HTR1F: variants seen among roughly 807,000 people sequenced by gnomAD.
HTR1F encodes the protein 5-hydroxytryptamine (serotonin) receptor 1F, G protein-coupled.
A neutral mutation model predicts 24.0 loss-of-function variants in HTR1F; 17 were observed. That is an observed-to-expected ratio of 0.71 (90% confidence interval 0.48 to 1.06). The LOEUF (loss-of-function observed/expected upper bound fraction) is 1.06, where lower values mean the gene tolerates loss of function less well. Ranked by LOEUF, HTR1F falls within the 50% of genes least tolerant of loss-of-function variation. The pLI, the probability that HTR1F is intolerant of heterozygous loss-of-function variation, is 0.00. For missense variants in HTR1F, 391 were observed against 427.8 expected, an observed-to-expected ratio of 0.91 and a Z score of 0.76; for synonymous variants, 186 against 156.8, an observed-to-expected ratio of 1.19 and a Z score of -1.39.
intron 2 of HTR1F, among the ~76,000 whole-genome samples, chr3:87,851,324 CTT>C (rs1176208211): frequency 6.6e-6 from 1 of 151,454 alleles, no homozygotes; most frequent in Non-Finnish European, 1.5e-5. Context: ...TTTGCACAGA[CTT>C]TGCTTCCATT....
chr3:87,914,272 T>C (rs1490369973), intron 2 of HTR1F, among the ~76,000 whole-genome samples: 2 of 152,094 alleles, frequency 1.3e-5, no homozygotes, highest in African/African-American at 2.4e-5. Flanking sequence ...CCAGAGGCAC[T>C]GGGAAAAGGC....
chr3:87,830,354 A>T (rs1184025010), intron 2 of HTR1F, among the ~76,000 whole-genome samples: 1 of 152,226 alleles, frequency 6.6e-6, no homozygotes, highest in Admixed American at 6.5e-5. Flanking sequence ...TAATACTGAA[A>T]AAATACTCAT....
chr3:87,877,725 C>T (rs1364847216), intron 2 of HTR1F, among the ~76,000 whole-genome samples: 1 of 152,088 alleles, frequency 6.6e-6, no homozygotes, highest in Non-Finnish European at 1.5e-5. Context: ...GCTCAAGCTC[C>T]CAGCTGCTGC....
chr3:87,898,680 A>G (rs1415724135), intron 2 of HTR1F, among the ~76,000 whole-genome samples: 1 of 137,594 alleles, frequency 7.3e-6, no homozygotes, highest in African/African-American at 3.3e-5. Context: ...TAGATATAGT[A>G]GCTGACCAAT....
Position 87,835,499 on chromosome 3 carries a change from C to A in HTR1F, c.-43+13375C>A, listed in dbSNP as rs1704666126. ...TGCCGTCACAAGTTAAAGAATCTATCTGAACCCCTATTTTCATAGTGATGC... is the reference window on the plus strand; with the variant it reads ...TGCCGTCACAAGTTAAAGAATCTATATGAACCCCTATTTTCATAGTGATGC... On this transcript the variant is annotated intron_variant, in intron 2 of 2. Transcript: ENST00000319595. 2.0e-5 allele frequency among the ~76,000 whole-genome samples: 3 copies of A among 152,180 alleles called. No homozygotes were observed. The South Asian group carries it at 6.2e-4, about 32-fold the overall frequency.
At chr3:87,828,853 A>G (rs1160544877) in intron 2 of HTR1F, among the ~76,000 whole-genome samples, 1 of 152,162 alleles carries the variant, frequency 6.6e-6, no homozygotes, top group Admixed American at 6.5e-5. Flanking sequence ...CTTCTGGACG[A>G]AACAGTGCTA....
At chr3:87,845,683 C>T (rs1469125133) in intron 2 of HTR1F, among the ~76,000 whole-genome samples, 2 of 151,782 alleles carry the variant, frequency 1.3e-5, no homozygotes, top group South Asian at 2.1e-4. Flanking sequence ...GATTCAATGC[C>T]ATCCCCATCA....
intron 2 of HTR1F, among the ~76,000 whole-genome samples, chr3:87,832,336 C>CTTT (rs1240822899): frequency 1.2e-5 from 1 of 83,616 alleles, no homozygotes; most frequent in Non-Finnish European, 2.5e-5. Context: ...TTTTTTTTTT[C>CTTT]TTTTTTTTTG....
intron 2 of HTR1F, among the ~76,000 whole-genome samples, chr3:87,932,910 T>C (rs1460298053): frequency 6.6e-6 from 1 of 150,898 alleles, no homozygotes; most frequent in Non-Finnish European, 1.5e-5. Context: ...AAAAAGAGAA[T>C]TTTAGACCAA....
At chr3:87,827,910 T>A (rs1704497759) in intron 2 of HTR1F, among the ~76,000 whole-genome samples, 1 of 152,164 alleles carries the variant, frequency 6.6e-6, no homozygotes, top group African/African-American at 2.4e-5. Context: ...CCTTCTCTCC[T>A]GGGGTAACTT....
At chr3:87,863,564 A>C (rs1020397810) in intron 2 of HTR1F, among the ~76,000 whole-genome samples, 1 of 152,104 alleles carries the variant, frequency 6.6e-6, no homozygotes, top group Admixed American at 6.6e-5. Flanking sequence ...ATTTTTTTCC[A>C]GTTTCCAATA....
At chr3:87,909,134 G>A (rs1366262971) in intron 2 of HTR1F, among the ~76,000 whole-genome samples, 2 of 151,976 alleles carry the variant, frequency 1.3e-5, no homozygotes, top group Non-Finnish European at 1.5e-5. Flanking sequence ...GTCACCAGTG[G>A]TAAATACTAG....
At chr3:87,807,009 C>T (rs1704084657) in intron 1 of HTR1F, among the ~76,000 whole-genome samples, 1 of 151,966 alleles carries the variant, frequency 6.6e-6, no homozygotes. Flanking sequence ...TGTACCAGTA[C>T]CATGCGATCT....
At chr3:87,827,123 CTTT>C (rs61445115) in intron 2 of HTR1F, among the ~76,000 whole-genome samples, 5 of 143,598 alleles carry the variant, frequency 3.5e-5, no homozygotes, top group Admixed American at 7.0e-5. Context: ...TTCTTTCTTT[CTTT>C]TTTTTTTTTT....
At chr3:87,974,098 T>C (rs186232366) in intron 2 of HTR1F, among the ~76,000 whole-genome samples, 32 of 152,342 alleles carry the variant, frequency 2.1e-4, no homozygotes, top group African/African-American at 7.2e-4. Flanking sequence ...TGAAACCTCG[T>C]CTGCTCAGCA....
chr3:87,819,383 T>C (rs1299747215), intron 1 of HTR1F, among the ~76,000 whole-genome samples: 2 of 151,978 alleles, frequency 1.3e-5, no homozygotes, highest in Non-Finnish European at 2.9e-5. Context: ...ATATTTATAC[T>C]GGTTGTTTTA....
At chr3:87,800,795 G>T (rs1213349201) in intron 1 of HTR1F, among the ~76,000 whole-genome samples, 7 of 152,096 alleles carry the variant, frequency 4.6e-5, no homozygotes, top group African/African-American at 7.2e-5. Flanking sequence ...TCAAAAAATT[G>T]TCTTTCTTGG....
At chr3:87,911,738 C>G (rs944597897) in intron 2 of HTR1F, among the ~76,000 whole-genome samples, 1 of 151,958 alleles carries the variant, frequency 6.6e-6, no homozygotes, top group African/African-American at 2.4e-5. Context: ...AGGTTTTATC[C>G]CAGGAATGCA....
At chr3:87,872,516 G>T (rs1412131406) in intron 2 of HTR1F, among the ~76,000 whole-genome samples, 7 of 151,782 alleles carry the variant, frequency 4.6e-5, no homozygotes, top group African/African-American at 1.2e-4. Context: ...AATATATTTG[G>T]CAAACCCTTA....
Sources: allele counts gnomAD v4.1 joint callset (sites outside exome capture counted in the v4.1 genomes callset), GRCh38; gene constraint gnomAD v4.1.1; transcripts MANE v1.5; gene names NCBI Gene and HGNC (gene_info 2026-07-23, HGNC 2026-07-21).